NALCN: variants seen among roughly 807,000 people sequenced by gnomAD.
NALCN encodes the protein sodium leak channel NALCN.
Under a neutral mutation model 225.3 loss-of-function variants are expected in NALCN, and 111 were observed. The ratio of observed to expected loss-of-function variants is 0.49; its 90% CI spans 0.42 to 0.58. The LOEUF (loss-of-function observed/expected upper bound fraction) is 0.58. Ranked by LOEUF, NALCN falls within the 20% of genes least tolerant of loss-of-function variation. The pLI is 0.00. For missense variants in NALCN, 1,378 were observed against 2,202.4 expected (o/e 0.63, Z 7.49); for synonymous variants, 764 against 769.0 (o/e 0.99, Z 0.11).
intron 36 of NALCN, among the ~76,000 whole-genome samples, chr13:101,073,889 T>C (rs1264438967): frequency 6.6e-6 from 1 of 152,166 alleles, no homozygotes; most frequent in African/African-American, 2.4e-5. Flanking sequence ...TGGCCACTAA[T>C]TTATTACCAT....
intron 10 of NALCN, among the ~76,000 whole-genome samples, chr13:101,261,565 A>G (rs1319346453): frequency 3.3e-5 from 5 of 151,988 alleles, no homozygotes; most frequent in Admixed American, 3.3e-4. Context: ...AGATCCTTCA[A>G]TTTTTTGGTT....
chr13:101,272,823 G>T (rs1244645990), intron 10 of NALCN, among the ~76,000 whole-genome samples: 1 of 152,162 alleles, frequency 6.6e-6, no homozygotes, highest in Admixed American at 6.5e-5. Context: ...TTTGTGGGAA[G>T]GTTCACGAAG....
At chr13:101,351,757 T>C (rs1251075170) in intron 6 of NALCN, among the ~76,000 whole-genome samples, 2 of 152,190 alleles carry the variant, frequency 1.3e-5, no homozygotes, top group Non-Finnish European at 2.9e-5. Context: ...GGGATATACT[T>C]AAGCAAAAGC....
In NALCN at chr13:101,345,737, AATATATATATATATATATATAT is replaced by A. The variant is rs10560892; in HGVS notation, c.645-339_645-318del. Among the ~76,000 whole-genome samples the A allele has an allele frequency of 1.2e-4, 10 of 86,654 alleles. 1 individual carries two copies. The highest frequency in any genetic ancestry group is 5.0e-4 in the East Asian group (1 of 2,016). 56.8% of individuals were successfully genotyped at this position (86,654 alleles called of 152,430 possible). ...ATCTATCTAAGAGTACAGCAAAGAG[AATATATATATATATATATATAT>A]ATATATATATATTTAGAGAGGGAGA... On this transcript the variant is annotated intron_variant, in intron 6 of 43. Coordinates refer to ENST00000251127, the MANE Select transcript of NALCN (RefSeq NM_052867.4).
intron 11 of NALCN, among the ~76,000 whole-genome samples, chr13:101,255,317 A>G (rs1039522141): frequency 1.3e-5 from 2 of 152,234 alleles, no homozygotes; most frequent in African/African-American, 4.8e-5. Flanking sequence ...ACATAAACAC[A>G]TTAGGAAAGG....
chr13:101,199,354 G>A (rs1228750018), intron 13 of NALCN, among the ~76,000 whole-genome samples: 1 of 151,316 alleles, frequency 6.6e-6, no homozygotes, highest in Non-Finnish European at 1.5e-5. Flanking sequence ...GCACACATAT[G>A]TTTACTGTGG....
chr13:101,402,952 T>C (rs562529702), intron 1 of NALCN, among the ~76,000 whole-genome samples: 1 of 152,298 alleles, frequency 6.6e-6, no homozygotes, highest in East Asian at 1.9e-4. Flanking sequence ...ATTCATTCCA[T>C]ATATGTACAA....
At chr13:101,397,213 T>C (rs1244797924) in intron 2 of NALCN, among the ~76,000 whole-genome samples, 5 of 149,534 alleles carry the variant, frequency 3.3e-5, no homozygotes. Context: ...ACACATGTAG[T>C]CTGGAAGGCA....
chr13:101,309,503 C>T lies in NALCN; in HGVS notation c.800-17137G>A, dbSNP rs999205978. Among the ~76,000 whole-genome samples the T allele has an allele frequency of 4.6e-5, 7 of 152,182 alleles. 1 individual carries two copies. Among genetic ancestry groups the T allele is most frequent in the African/African-American group, 1.7e-4 (7 of 41,444 alleles). ...TTCCTCATCTGTCAATCAAAGCATG[C>T]TCATTGGCCACTTCAGCACATCAAC... On this transcript the variant is annotated intron_variant, in intron 7 of 43. Transcript: ENST00000251127.
chr13:101,287,368 T>C (rs757831835), intron 9 of NALCN, among the ~76,000 whole-genome samples: 21 of 152,160 alleles, frequency 1.4e-4, no homozygotes, highest in Non-Finnish European at 2.6e-4. Flanking sequence ...AATGGCTAAA[T>C]TGAAAGGTGG....
At position 101,143,184 on chromosome 13, in the gene NALCN, G is replaced by C; in HGVS notation, c.2014C>G (p.Gln672Glu). ...CTTCTCAGGAGGCAACATGTGTCCT[G>C]TTGCTGGCGGTCAATAAACTGCTTC... ...FMKQFIDRQQ[Q>E]DTCCLLRSLP... is the part of the protein sequence containing the mutation. The change falls in exon 17 of 44, where the codon CAG (glutamine) becomes GAG (glutamate). Residue 672 changes from glutamine to glutamate, a missense_variant. Physicochemically the swap from Gln to Glu is conservative, Grantham distance 29 (BLOSUM62 2). Transcript: ENST00000251127. 6.2e-7 allele frequency: 1 copy of C among 1,612,826 alleles called. No individual in the cohort carries two copies.
chr13:101,249,464 C>T (rs1250283567), intron 11 of NALCN, among the ~76,000 whole-genome samples: 1 of 152,170 alleles, frequency 6.6e-6, no homozygotes, highest in Non-Finnish European at 1.5e-5. Context: ...ATCAGACTAG[C>T]AATGTAAAAG....
At chr13:101,073,816 T>C in intron 36 of NALCN, 139 bp from the exon 37 acceptor site, 1 of 629,234 alleles carries the variant, frequency 1.6e-6, no homozygotes. Flanking sequence ...GGTTATACCT[T>C]TTTATTAATT....
intron 10 of NALCN, among the ~76,000 whole-genome samples, chr13:101,259,586 G>A (rs1281445214): frequency 6.6e-6 from 1 of 151,284 alleles, no homozygotes; most frequent in East Asian, 1.9e-4. Context: ...CGCCCGCCTC[G>A]GCCTCCCAAA....
intron 11 of NALCN, 24 bp downstream of exon 11, chr13:101,258,419 T>C (rs747306988): frequency 1.2e-6 from 2 of 1,613,858 alleles, no homozygotes; most frequent in Admixed American, 1.7e-5. Context: ...TGCCCAGCGA[T>C]CTGCACGGTG....
chr13:101,139,243 G>T (rs2036948968), intron 17 of NALCN, among the ~76,000 whole-genome samples: 4 of 152,180 alleles, frequency 2.6e-5, no homozygotes, highest in African/African-American at 9.6e-5. Context: ...CAAAGCTTGG[G>T]TAATTACTGG....
chr13:101,195,119 A>T (rs2039836130), intron 13 of NALCN, among the ~76,000 whole-genome samples: 1 of 152,240 alleles, frequency 6.6e-6, no homozygotes, highest in Non-Finnish European at 1.5e-5. Flanking sequence ...TCTTGGGTGA[A>T]TCAAGAACAG....
chr13:101,194,031 C>A (rs1313407708), intron 13 of NALCN, among the ~76,000 whole-genome samples: 1 of 152,136 alleles, frequency 6.6e-6, no homozygotes, highest in African/African-American at 2.4e-5. Context: ...TTAAGCCCAA[C>A]AGATTTATTT....
intron 7 of NALCN, among the ~76,000 whole-genome samples, chr13:101,304,760 T>TC (rs2044097259): frequency 6.9e-6 from 1 of 144,786 alleles, no homozygotes; most frequent in African/African-American, 2.5e-5. Flanking sequence ...TTTCTTTTCT[T>TC]TTTTTTTTTT....
Sources: allele counts gnomAD v4.1 joint callset (sites outside exome capture counted in the v4.1 genomes callset), GRCh38; gene constraint gnomAD v4.1.1; transcripts MANE v1.5; gene names NCBI Gene and HGNC (gene_info 2026-07-23, HGNC 2026-07-21).